The following ERBB4 variants were observed in gnomAD, a reference collection of about 807,000 sequenced individuals.
ERBB4 encodes erb-b2 receptor tyrosine kinase 4, also known as receptor tyrosine-protein kinase erbB-4.
ERBB4 carries 42 observed loss-of-function variants against 158.0 expected under a neutral mutation model. The ratio of observed to expected loss-of-function variants is 0.27; its 90% confidence interval spans 0.21 to 0.34. The LOEUF is 0.34. Among genes scored for constraint, ERBB4 ranks in the 10% least tolerant of loss-of-function variants. ERBB4 has a pLI of 1.00. For synonymous variants in ERBB4, 583 were observed against 558.7 expected (o/e 1.04, Z -0.61); for missense variants, 1,333 against 1,624.1 (o/e 0.82, Z 3.08).
At chr2:211,475,076 C>T (rs1000953217) in intron 20 of ERBB4, among the ~76,000 whole-genome samples, 3 of 151,932 alleles carry the variant, frequency 2.0e-5, no homozygotes, top group Admixed American at 6.6e-5. Flanking sequence ...CCCATGTAAT[C>T]CATAAGGATG....
rs567588076 is a variant in ERBB4 at position 211,723,907 on chromosome 2, G to A, written c.741+1169C>T. Among the ~76,000 whole-genome samples, 431 of 152,224 alleles carry A rather than the reference G, an allele frequency of 2.8e-3. 12 individuals are homozygous for A. Among genetic ancestry groups the A allele is most frequent in the Admixed American group, 0.027 (407 of 15,290 alleles). On this transcript the variant is annotated intron_variant, in intron 6 of 27. Coordinates refer to ENST00000342788, the MANE Select transcript of ERBB4 (RefSeq NM_005235.3). ...AAAGCCAAAGTGGAATCATTAGACC[G>A]TTCCATAAAAGTAATGAAATGATAA...
intron 2 of ERBB4, among the ~76,000 whole-genome samples, chr2:212,061,296 T>C (rs747412402): frequency 1.3e-4 from 20 of 151,472 alleles, no homozygotes; most frequent in Non-Finnish European, 2.7e-4. Flanking sequence ...CTACTAAAAA[T>C]ACAAAACTTA....
chr2:212,065,555 AT>A (rs1171062349), intron 2 of ERBB4, among the ~76,000 whole-genome samples: 7 of 152,120 alleles, frequency 4.6e-5, no homozygotes, highest in Non-Finnish European at 1.5e-5. Flanking sequence ...TCAAAAGCAG[AT>A]CACTGTCTTA....
chr2:211,405,249 G>T (rs866682765), intron 25 of ERBB4, among the ~76,000 whole-genome samples: 15 of 152,034 alleles, frequency 9.9e-5, no homozygotes, highest in African/African-American at 3.1e-4. Flanking sequence ...TTTATCCTCA[G>T]TGAATTAAAA....
chr2:212,463,598 T>A (rs1688682482), intron 1 of ERBB4, among the ~76,000 whole-genome samples: 1 of 152,084 alleles, frequency 6.6e-6, no homozygotes, highest in Admixed American at 6.6e-5. Context: ...AAAGGCTTAT[T>A]TGATAGTAAA....
intron 20 of ERBB4, among the ~76,000 whole-genome samples, chr2:211,450,347 A>G (rs1218033027): frequency 2.0e-5 from 3 of 152,196 alleles, no homozygotes; most frequent in Admixed American, 6.5e-5. Context: ...GTATAAACCA[A>G]GAGCCTGGGA....
intron 1 of ERBB4, among the ~76,000 whole-genome samples, chr2:212,132,633 C>T (rs1209831063): frequency 3.3e-5 from 5 of 152,070 alleles, no homozygotes; most frequent in Admixed American, 2.0e-4. Flanking sequence ...GAATCTATAC[C>T]ATTGCCACTC....
At chr2:212,019,543 G>T (rs2076600461) in intron 2 of ERBB4, among the ~76,000 whole-genome samples, 1 of 151,848 alleles carries the variant, frequency 6.6e-6, no homozygotes, top group Non-Finnish European at 1.5e-5. Context: ...TGGGCAGATT[G>T]CCTGAGCTCA....
intron 1 of ERBB4, among the ~76,000 whole-genome samples, chr2:212,374,803 T>C (rs1400936015): frequency 6.6e-6 from 1 of 151,970 alleles, no homozygotes; most frequent in Non-Finnish European, 1.5e-5. Flanking sequence ...AAATTTTCTT[T>C]AGTCACTGAT....
chr2:211,934,199 T>G (rs1455713378), intron 3 of ERBB4, among the ~76,000 whole-genome samples: 1 of 151,890 alleles, frequency 6.6e-6, no homozygotes, highest in Non-Finnish European at 1.5e-5. Context: ...CAAAACCAAA[T>G]GTAGTTTAGG....
chr2:212,447,083 G>T (rs1054726858), intron 1 of ERBB4, among the ~76,000 whole-genome samples: 11 of 150,320 alleles, frequency 7.3e-5, no homozygotes, highest in African/African-American at 2.7e-4. Context: ...TGCAAGCTCC[G>T]CCTCCTAGGT....
At chr2:212,227,459 C>G (rs1338793692) in intron 1 of ERBB4, among the ~76,000 whole-genome samples, 1 of 152,036 alleles carries the variant, frequency 6.6e-6, no homozygotes, top group African/African-American at 2.4e-5. Context: ...CTTTCCTGAA[C>G]AAAGCTTTGC....
chr2:211,538,478 T>A (rs1336354735), intron 20 of ERBB4, among the ~76,000 whole-genome samples: 1 of 151,788 alleles, frequency 6.6e-6, no homozygotes, highest in Non-Finnish European at 1.5e-5. Flanking sequence ...AAGACAGTTC[T>A]GGAATCCTGG....
At position 211,788,123 on chromosome 2, in the gene ERBB4, T is replaced by C; in HGVS notation, c.458A>G (p.Lys153Arg). 1 of 1,613,028 alleles carries C rather than the reference T, an allele frequency of 6.2e-7. No homozygotes were observed. The highest frequency in any genetic ancestry group is 8.5e-7 in the Non-Finnish European group (1 of 1,179,132). Residue 153 changes from lysine (K) to arginine (R), a missense_variant, in exon 4 of 28, where the codon AAA (lysine) becomes AGA (arginine). Lys to Arg is a conservative substitution (Grantham distance 26). Around this residue, in one of 5 missense-constraint regions of ERBB4, gnomAD observed 438 missense variants for 586.9 expected, o/e 0.75. Transcript: ENST00000342788. ...AATGGTGTCTGCATAACAAAGGAAT[T>C]TGTTCTGGTCTACATAGACTCCACC... Reference protein sequence around the residue: ...LNGGVYVDQNKFLCYADTIHW... With the variant: ...LNGGVYVDQNRFLCYADTIHW...
intron 2 of ERBB4, among the ~76,000 whole-genome samples, chr2:212,122,663 C>A (rs2079792924): frequency 6.6e-6 from 1 of 151,878 alleles, no homozygotes; most frequent in Admixed American, 6.6e-5. Context: ...ACAGTATAGA[C>A]CATATATCAA....
At chr2:212,167,348 T>G (rs1461784112) in intron 1 of ERBB4, among the ~76,000 whole-genome samples, 2 of 152,102 alleles carry the variant, frequency 1.3e-5, no homozygotes, top group African/African-American at 4.8e-5. Flanking sequence ...AAGCTCAACA[T>G]CACTGATCAT....
chr2:212,516,982 T>C (rs985537221), intron 1 of ERBB4, among the ~76,000 whole-genome samples: 2 of 152,122 alleles, frequency 1.3e-5, no homozygotes, highest in Non-Finnish European at 2.9e-5. Flanking sequence ...GTGAGATAAC[T>C]CTTAGTAAAG....
intron 1 of ERBB4, among the ~76,000 whole-genome samples, chr2:212,364,853 T>C (rs1165097543): frequency 6.6e-6 from 1 of 151,366 alleles, no homozygotes; most frequent in Non-Finnish European, 1.5e-5. Context: ...ACAGGGAGGG[T>C]AGTCTTCTGA....
At chr2:211,938,172 AT>A (rs2080381313) in intron 3 of ERBB4, among the ~76,000 whole-genome samples, 1 of 152,200 alleles carries the variant, frequency 6.6e-6, no homozygotes, top group East Asian at 1.9e-4. Flanking sequence ...TCCTCAAAAA[AT>A]AATCACATTT....
Sources: allele counts gnomAD v4.1 joint callset (sites outside exome capture counted in the v4.1 genomes callset), GRCh38; gene constraint gnomAD v4.1.1; regional missense constraint gnomAD v4.1.1; transcripts MANE v1.5; gene names NCBI Gene and HGNC (gene_info 2026-07-23, HGNC 2026-07-21).